The following GUCY1A2 variants were observed in gnomAD, a reference collection of about 807,000 sequenced individuals.
The protein encoded by GUCY1A2 is guanylate cyclase soluble subunit alpha-2.
In GUCY1A2, 27 loss-of-function variants were observed where a neutral mutation model predicts 63.5. The observed-to-expected ratio is 0.43, with a 90% CI of 0.31 to 0.59. The LOEUF is 0.59. Among genes scored for constraint, GUCY1A2 ranks in the 20% least tolerant of loss-of-function variants. GUCY1A2 has a pLI of 0.11. For synonymous variants in GUCY1A2, 364 were observed against 343.5 expected, an observed-to-expected ratio of 1.06 and a Z score of -0.66; for missense variants, 768 against 913.3, an observed-to-expected ratio of 0.84 and a Z score of 2.05.
intron 7 of GUCY1A2, among the ~76,000 whole-genome samples, chr11:106,699,345 A>G (rs2135342150): frequency 6.6e-6 from 1 of 152,314 alleles, no homozygotes; most frequent in Non-Finnish European, 1.5e-5. Context: ...TTAGTAACTA[A>G]TTTTCACCTT....
intron 4 of GUCY1A2, among the ~76,000 whole-genome samples, chr11:106,850,687 T>TG (rs1859341464): frequency 6.6e-6 from 1 of 151,818 alleles, no homozygotes; most frequent in Admixed American, 6.6e-5. Flanking sequence ...CACGGATGCA[T>TG]TCTTTTTTTA....
chr11:106,969,367 C>A (rs894895042), intron 3 of GUCY1A2, among the ~76,000 whole-genome samples: 2 of 152,044 alleles, frequency 1.3e-5, no homozygotes, highest in Non-Finnish European at 2.9e-5. Flanking sequence ...AAACAGAATG[C>A]TATTAAAATT....
intron 4 of GUCY1A2, among the ~76,000 whole-genome samples, chr11:106,906,228 A>G (rs1298410499): frequency 1.3e-5 from 2 of 152,196 alleles, no homozygotes; most frequent in Non-Finnish European, 2.9e-5. Context: ...ATCTTCAAAG[A>G]ACTTCAACAA....
At chr11:106,833,396 A>T (rs1191878188) in intron 4 of GUCY1A2, among the ~76,000 whole-genome samples, 1 of 152,080 alleles carries the variant, frequency 6.6e-6, no homozygotes, top group Non-Finnish European at 1.5e-5. Flanking sequence ...TCCGCCTGTG[A>T]TCTAACAGTC....
chr11:106,901,536 C>T (rs1860132674), intron 4 of GUCY1A2, among the ~76,000 whole-genome samples: 1 of 152,114 alleles, frequency 6.6e-6, no homozygotes, highest in South Asian at 2.1e-4. Flanking sequence ...TGTACATGTG[C>T]ACAACATGCA....
At chr11:106,696,121 C>G (rs1416124147) in intron 7 of GUCY1A2, among the ~76,000 whole-genome samples, 1 of 152,084 alleles carries the variant, frequency 6.6e-6, no homozygotes, top group Non-Finnish European at 1.5e-5. Context: ...ATTTGAGTGG[C>G]AAAACTAATG....
chr11:106,721,183 C>T (rs533585567), intron 6 of GUCY1A2, among the ~76,000 whole-genome samples: 117 of 151,802 alleles, frequency 7.7e-4, no homozygotes, highest in Non-Finnish European at 5.6e-4. Context: ...CTCAATCTAC[C>T]GAGTAGCTGG....
chr11:106,921,427 T>A (rs1379259519), intron 4 of GUCY1A2, among the ~76,000 whole-genome samples: 1 of 152,062 alleles, frequency 6.6e-6, no homozygotes, highest in Non-Finnish European at 1.5e-5. Flanking sequence ...CAAAAATGAT[T>A]AAAGGACTAA....
chr11:106,824,995 A>G, intron 4 of GUCY1A2: 1 of 1,601,902 alleles, frequency 6.2e-7, no homozygotes, highest in Non-Finnish European at 8.5e-7. Flanking sequence ...AAGATGGTTT[A>G]TGCATGTATA....
chr11:106,812,007 AAAG>A (rs1229211883), intron 4 of GUCY1A2, among the ~76,000 whole-genome samples: 1 of 151,974 alleles, frequency 6.6e-6, no homozygotes, highest in Non-Finnish European at 1.5e-5. Flanking sequence ...GTTTGAGTAA[AAAG>A]AAAATAATTG....
chr11:106,745,054 A>T (rs189610439), intron 6 of GUCY1A2, among the ~76,000 whole-genome samples: 8 of 152,188 alleles, frequency 5.3e-5, no homozygotes, highest in African/African-American at 1.9e-4. Context: ...AAATTATTAG[A>T]TTTAAGAGAG....
chr11:106,869,008 A>G (rs1859635774), intron 4 of GUCY1A2, among the ~76,000 whole-genome samples: 1 of 152,234 alleles, frequency 6.6e-6, no homozygotes, highest in Non-Finnish European at 1.5e-5. Context: ...AAATGGGGAA[A>G]AGGATTCTCT....
At chr11:106,827,842 C>T (rs1409538626) in intron 4 of GUCY1A2, 9 of 1,600,326 alleles carry the variant, frequency 5.6e-6, no homozygotes, top group African/African-American at 4.0e-5. Context: ...ATGCCGCCGC[C>T]GACCACCATG....
intron 4 of GUCY1A2, among the ~76,000 whole-genome samples, chr11:106,847,313 T>C (rs1859289699): frequency 6.6e-6 from 1 of 150,640 alleles, no homozygotes; most frequent in Non-Finnish European, 1.5e-5. Flanking sequence ...CTCACATATA[T>C]ATTTATGATT....
intron 6 of GUCY1A2, among the ~76,000 whole-genome samples, chr11:106,757,803 T>C (rs2135389594): frequency 6.6e-6 from 1 of 152,310 alleles, no homozygotes; most frequent in East Asian, 1.9e-4. Context: ...TACTGGGAGA[T>C]GTCTCCCAGT....
rs141618860 is a variant in GUCY1A2 at position 106,906,554 on chromosome 11, A to G, written c.1206+32906T>C. On this transcript the variant is annotated intron_variant, in intron 4 of 7. Coordinates refer to ENST00000526355, the MANE Select transcript of GUCY1A2 (RefSeq NM_000855.3). ...CATTCCTCAAGGATCTAGAACCAGAAATACCATTTGACCCAGAAATCCGGT... is the reference window on the plus strand; with the variant it reads ...CATTCCTCAAGGATCTAGAACCAGAGATACCATTTGACCCAGAAATCCGGT... 2.8e-3 allele frequency among the ~76,000 whole-genome samples: 424 copies of G among 152,284 alleles called. 1 individual carries two copies. The highest frequency in any genetic ancestry group is 9.6e-3 in the African/African-American group (399 of 41,576).
intron 7 of GUCY1A2, among the ~76,000 whole-genome samples, chr11:106,706,210 A>G (rs1242720392): frequency 6.6e-6 from 1 of 152,166 alleles, no homozygotes; most frequent in Non-Finnish European, 1.5e-5. Flanking sequence ...TAAACAGGTA[A>G]TGTTGGACAT....
At chr11:106,894,759 G>A (rs1194228129) in intron 4 of GUCY1A2, among the ~76,000 whole-genome samples, 8 of 152,096 alleles carry the variant, frequency 5.3e-5, no homozygotes, top group Non-Finnish European at 1.2e-4. Flanking sequence ...GTGATTCAGT[G>A]AAAGAGTGCA....
chr11:106,954,327 G>C (rs770037110), intron 3 of GUCY1A2, among the ~76,000 whole-genome samples: 1 of 152,306 alleles, frequency 6.6e-6, no homozygotes, highest in African/African-American at 2.4e-5. Context: ...CGTTTTGAGT[G>C]AGTTTCTTAA....
Sources: allele counts gnomAD v4.1 joint callset (sites outside exome capture counted in the v4.1 genomes callset), GRCh38; gene constraint gnomAD v4.1.1; transcripts MANE v1.5; gene names NCBI Gene and HGNC (gene_info 2026-07-23, HGNC 2026-07-21).